Variants in UTRN observed in about 807,000 individuals in gnomAD.
UTRN encodes utrophin.
UTRN carries 283 observed loss-of-function variants against 463.9 expected under a neutral mutation model. The observed-to-expected ratio is 0.61, with a 90% CI of 0.55 to 0.67. The LOEUF is 0.67. Ranked by LOEUF, UTRN falls within the 30% of genes least tolerant of loss-of-function variation. The pLI is 0.00. For synonymous variants in UTRN, 1,442 were observed against 1,431.5 expected, an observed-to-expected ratio of 1.01 and a Z score of -0.17; for missense variants, 3,922 against 4,084.3, an observed-to-expected ratio of 0.96 and a Z score of 1.08.
chr6:144,705,018 G>A (rs975893470), intron 53 of UTRN, among the ~76,000 whole-genome samples: 6 of 152,130 alleles, frequency 3.9e-5, no homozygotes, highest in African/African-American at 1.4e-4. Context: ...TATAGGTTGT[G>A]ACATTTGCTG....
chr6:144,480,127 G>C, intron 26 of UTRN, 145 bp downstream of exon 26: 4 of 1,054,718 alleles, frequency 3.8e-6, no homozygotes, highest in Non-Finnish European at 5.1e-6. Context: ...AAACATAACA[G>C]GGTAGCTGCT....
At chr6:144,672,246 T>G (rs748373408) in intron 51 of UTRN, among the ~76,000 whole-genome samples, 1 of 152,132 alleles carries the variant, frequency 6.6e-6, no homozygotes, top group Non-Finnish European at 1.5e-5. Context: ...CAGTTCTTCT[T>G]TGAATGTCTG....
chr6:144,438,750 A>G lies in UTRN; in HGVS notation c.1247A>G (p.His416Arg). The G allele has an allele frequency of 1.2e-6, 2 of 1,614,214 alleles. No individual in the cohort carries two copies. Among genetic ancestry groups the G allele is most frequent in the Non-Finnish European group, 1.7e-6 (2 of 1,180,042 alleles). Residue 416 changes from histidine to arginine, a missense_variant, in exon 12 of 75, where the codon CAC becomes CGC. By Grantham distance (29) the His-to-Arg change is conservative. This residue lies in a region of UTRN where 2,349 missense variants were observed against 2,303.8 expected (regional missense o/e 1.02). Coordinates refer to ENST00000367545, the MANE Select transcript of UTRN (RefSeq NM_007124.3). Reference sequence around the variant, plus strand: ...GCTGTGTTCCCCACGGACAGGCTGCACGATGTGCTGATGGAACTGCAGAAG... The same window carrying G: ...GCTGTGTTCCCCACGGACAGGCTGCGCGATGTGCTGATGGAACTGCAGAAG... ...VESMDRQSRL[H>R]DVLMELQKKQ...
At chr6:144,846,146 C>T (rs1586810225) in intron 73 of UTRN, among the ~76,000 whole-genome samples, 1 of 152,174 alleles carries the variant, frequency 6.6e-6, no homozygotes, top group East Asian at 1.9e-4. Flanking sequence ...TTGCAAAGCC[C>T]GCCAGATCGT....
At chr6:144,561,825 G>C (rs9390171) in intron 50 of UTRN, among the ~76,000 whole-genome samples, 82,382 of 151,980 alleles carry the variant, frequency 0.54, 24,410 homozygotes, top group East Asian at 0.84. Flanking sequence ...GATGCCCAAA[G>C]TGTCATCATA....
intron 64 of UTRN, chr6:144,799,352 C>A (rs1416121643): frequency 4.5e-6 from 2 of 443,312 alleles, no homozygotes; most frequent in Non-Finnish European, 9.4e-6. Flanking sequence ...GCTATGCATT[C>A]TAAGAGGAGG....
At chr6:144,487,515 C>A (rs544705287) in intron 28 of UTRN, 33 bp from the exon 29 acceptor site, 2 of 1,566,012 alleles carry the variant, frequency 1.3e-6, no homozygotes, top group African/African-American at 1.4e-5. Context: ...TTAGTAAATG[C>A]ATTATTATTT....
chr6:144,347,322 A>G (rs2114646604), intron 2 of UTRN, among the ~76,000 whole-genome samples: 1 of 152,336 alleles, frequency 6.6e-6, no homozygotes, highest in South Asian at 2.1e-4. Context: ...AAAGCCAGCC[A>G]AGGGTGTCCA....
intron 2 of UTRN, among the ~76,000 whole-genome samples, chr6:144,293,625 A>G (rs1171948539): frequency 6.6e-6 from 1 of 152,166 alleles, no homozygotes; most frequent in Non-Finnish European, 1.5e-5. Context: ...TGTAAACACC[A>G]TGAAAATCTA....
chr6:144,713,919 T>TC (rs1786070247), intron 53 of UTRN, among the ~76,000 whole-genome samples: 1 of 94,584 alleles, frequency 1.1e-5, no homozygotes, highest in Non-Finnish European at 2.0e-5. Flanking sequence ...AAACTCTGTC[T>TC]CAAAAAAAAA....
intron 71 of UTRN, among the ~76,000 whole-genome samples, chr6:144,836,887 C>T (rs1403588229): frequency 1.3e-5 from 2 of 152,160 alleles, no homozygotes; most frequent in Admixed American, 1.3e-4. Context: ...GACCTGAAAT[C>T]GGCATTCTAA....
At chr6:144,698,303 T>C (rs898858450) in intron 52 of UTRN, among the ~76,000 whole-genome samples, 3 of 152,154 alleles carry the variant, frequency 2.0e-5, no homozygotes, top group African/African-American at 7.2e-5. Context: ...TTTTGTAAAA[T>C]GAGTTCAATT....
chr6:144,638,360 C>A (rs956975380), intron 51 of UTRN, among the ~76,000 whole-genome samples: 4 of 152,072 alleles, frequency 2.6e-5, no homozygotes, highest in Non-Finnish European at 5.9e-5. Context: ...AAAAATAGTT[C>A]ATGTTTTTTG....
At chr6:144,652,775 T>C (rs746826150) in intron 51 of UTRN, among the ~76,000 whole-genome samples, 57 of 152,356 alleles carry the variant, frequency 3.7e-4, no homozygotes, top group Middle Eastern at 3.4e-3. Flanking sequence ...GGCTTTGTTC[T>C]GTCTGTCCCT....
chr6:144,379,673 G>T (rs919285373), intron 2 of UTRN, among the ~76,000 whole-genome samples: 1 of 152,234 alleles, frequency 6.6e-6, no homozygotes, highest in African/African-American at 2.4e-5. Context: ...CCCATACTCA[G>T]TGGGTGGGGA....
intron 68 of UTRN, 28 bp downstream of exon 68, chr6:144,827,704 C>T (rs2128756346): frequency 6.2e-7 from 1 of 1,605,402 alleles, no homozygotes; most frequent in South Asian, 1.1e-5. Flanking sequence ...GAGCCCTCCA[C>T]TGCACTGCCA....
rs955098437 is a variant in UTRN at position 144,438,906 on chromosome 6, C to T, written c.1392+11C>T. 3 of 1,613,496 alleles carry T rather than the reference C, an allele frequency of 1.9e-6. No individual in the cohort carries two copies. Among genetic ancestry groups the T allele is most frequent in the Admixed American group, 3.3e-5 (2 of 59,990 alleles). On this transcript the variant is annotated intron_variant, in intron 12 of 74. Transcript: ENST00000367545. ...CTAGAAGAACATAAAGTAAATCTGT[C>T]TCATATTTCTTCGATACCTTATCAA...
intron 31 of UTRN, among the ~76,000 whole-genome samples, chr6:144,490,680 T>C (rs1792973804): frequency 6.6e-6 from 1 of 152,238 alleles, no homozygotes; most frequent in African/African-American, 2.4e-5. Flanking sequence ...TCTAAATTTC[T>C]TATCCAAATC....
rs117648637 is a variant in UTRN at position 144,587,643 on chromosome 6, T to A, written c.7479+10355T>A. ...ATTTTCGACCGGTTGAATTTTGTAT[T>A]TTTTACTCTCAAACATTTCCCCACC... On this transcript the variant is annotated intron_variant, in intron 51 of 74. Coordinates refer to ENST00000367545, the MANE Select transcript of UTRN (RefSeq NM_007124.3). Among the ~76,000 whole-genome samples, 1,278 of 152,278 alleles carry A rather than the reference T, an allele frequency of 8.4e-3. 8 individuals carry two copies. Among genetic ancestry groups the A allele is most frequent in the Admixed American group, 0.013 (205 of 15,290 alleles).
Sources: gnomAD v4.1 joint callset for allele counts (sites outside exome capture counted in the v4.1 genomes callset) on GRCh38, gnomAD v4.1.1 for gene constraint, gnomAD v4.1.1 regional missense constraint, MANE v1.5 for transcripts, NCBI Gene and HGNC (gene_info 2026-07-23, HGNC 2026-07-21) for gene names.